The following GCFC2 variants were observed in gnomAD, a reference collection of about 807,000 sequenced individuals.
GCFC2 encodes the protein GC-rich sequence DNA-binding factor 2, also known as intron Large complex component GCFC2.
A neutral mutation model predicts 99.4 loss-of-function variants in GCFC2; 102 were observed. That is an observed-to-expected ratio of 1.03 (90% CI 0.87 to 1.21). GCFC2 has a LOEUF of 1.21. GCFC2 is among the 50% of genes most tolerant of loss of function. The pLI, the probability that GCFC2 is intolerant of heterozygous loss-of-function variation, is 0.00. For missense variants in GCFC2, 973 were observed against 920.9 expected (o/e 1.06, Z -0.73); for synonymous variants, 338 against 316.8 (o/e 1.07, Z -0.71).
At chr2:75,669,460 T>A (rs1289655299) in intron 15 of GCFC2, among the ~76,000 whole-genome samples, 1 of 152,216 alleles carries the variant, frequency 6.6e-6, no homozygotes. Context: ...CTTTTGCCTT[T>A]AAGTTTAGAA....
intron 1 of GCFC2, among the ~76,000 whole-genome samples, chr2:75,709,486 G>A (rs1681025340): frequency 6.6e-6 from 1 of 152,166 alleles, no homozygotes; most frequent in Non-Finnish European, 1.5e-5. Flanking sequence ...TCTCACATAT[G>A]TAATCTAAAA....
rs769264003 is a variant in GCFC2 at position 75,706,562 on chromosome 2, T to C, written c.355A>G (p.Ser119Gly). The C allele has an allele frequency of 1.2e-6, 2 of 1,604,796 alleles. No individual in the cohort carries two copies. The highest frequency in any genetic ancestry group is 1.1e-5 in the South Asian group (1 of 90,748). ...TCTTTTTCTCCAAGAGAGCTAGAAC[T>C]GTCAGAAGACAAACCCTGATCATCC... The part of the protein sequence containing the change: ...SKDDQGLSSD[S>G]SSSLGEKELS... Residue 119 changes from serine to glycine, a missense_variant, in exon 2 of 17, where the codon AGT becomes GGT. By Grantham distance (56) the Ser-to-Gly change is moderately conservative. Transcript: ENST00000321027.
chr2:75,688,572 A>G (rs1300299495), intron 10 of GCFC2, among the ~76,000 whole-genome samples: 2 of 152,008 alleles, frequency 1.3e-5, no homozygotes, highest in African/African-American at 4.8e-5. Flanking sequence ...TTCTCCCTTT[A>G]CACCTTTATG....
intron 4 of GCFC2, chr2:75,697,814 T>A (rs560069403): frequency 6.6e-6 from 1 of 152,600 alleles, no homozygotes; most frequent in African/African-American, 2.4e-5. Context: ...GAAGCAGATG[T>A]GAAGATGCAA....
chr2:75,702,759 C>T (rs965467856), intron 2 of GCFC2, among the ~76,000 whole-genome samples: 2 of 152,134 alleles, frequency 1.3e-5, no homozygotes, highest in South Asian at 2.1e-4. Flanking sequence ...AGATTGTCAG[C>T]GCAGGGATGT....
chr2:75,712,049 G>A (rs897625363), upstream of GCFC2, among the ~76,000 whole-genome samples: 1 of 152,252 alleles, frequency 6.6e-6, no homozygotes, highest in Admixed American at 6.5e-5. Flanking sequence ...GAGTCTGGTG[G>A]GGACATAGAG....
intron 8 of GCFC2, 21 bp downstream of exon 8, chr2:75,690,617 A>T (rs1680022775): frequency 8.9e-7 from 1 of 1,120,968 alleles, no homozygotes; most frequent in Non-Finnish European, 1.3e-6. Context: ...CTTTCTTTAA[A>T]TCTTCACTTT....
chr2:75,675,236 C>T (rs1333401389), intron 12 of GCFC2, among the ~76,000 whole-genome samples: 6 of 152,050 alleles, frequency 3.9e-5, no homozygotes, highest in Non-Finnish European at 7.4e-5. Context: ...ACATAATATC[C>T]TTGTCTTAAC....
At chr2:75,682,285 G>C (rs1679616244) in intron 11 of GCFC2, among the ~76,000 whole-genome samples, 1 of 151,842 alleles carries the variant, frequency 6.6e-6, no homozygotes, top group Non-Finnish European at 1.5e-5. Context: ...AGCCTCCGCT[G>C]GTGATACCCA....
At chr2:75,689,501 G>C (rs1450371490) in intron 9 of GCFC2, among the ~76,000 whole-genome samples, 1 of 151,970 alleles carries the variant, frequency 6.6e-6, no homozygotes, top group Non-Finnish European at 1.5e-5. Flanking sequence ...CTTATTTACA[G>C]ACAAAACAAC....
intron 15 of GCFC2, among the ~76,000 whole-genome samples, chr2:75,666,713 TAAAA>T (rs879656710): frequency 2.3e-5 from 3 of 127,992 alleles, no homozygotes; most frequent in Middle Eastern, 3.5e-3. Context: ...ATTTAAAAAG[TAAAA>T]AAAAAAAAAA....
At chr2:75,691,943 A>C (rs761512714) in intron 7 of GCFC2, 34 bp downstream of exon 7, 1 of 1,204,296 alleles carries the variant, frequency 8.3e-7, no homozygotes. Flanking sequence ...AGCTTAATGA[A>C]TAATAAATTG....
chr2:75,710,013 A>G (rs1391618514), intron 1 of GCFC2, among the ~76,000 whole-genome samples: 1 of 152,226 alleles, frequency 6.6e-6, no homozygotes, highest in Non-Finnish European at 1.5e-5. Flanking sequence ...TGACGACACT[A>G]TATCTAACAC....
chr2:75,701,095 G>C, intron 4 of GCFC2, 95 bp downstream of exon 4: 1 of 724,988 alleles, frequency 1.4e-6, no homozygotes, highest in Non-Finnish European at 2.4e-6. Flanking sequence ...CACGCTGTGA[G>C]AGAATAAATG....
At chr2:75,678,041 A>G (rs887773687) in intron 12 of GCFC2, among the ~76,000 whole-genome samples, 1 of 151,104 alleles carries the variant, frequency 6.6e-6, no homozygotes, top group African/African-American at 2.4e-5. Flanking sequence ...AGTGATCACA[A>G]AGAGCCAGGT....
intron 15 of GCFC2, among the ~76,000 whole-genome samples, chr2:75,668,779 T>C (rs1678961842): frequency 1.3e-5 from 2 of 152,218 alleles, no homozygotes; most frequent in African/African-American, 4.8e-5. Flanking sequence ...CATCTCTAAT[T>C]TTTGACTTAA....
chr2:75,677,771 G>A (rs1679411181), intron 12 of GCFC2, among the ~76,000 whole-genome samples: 1 of 152,142 alleles, frequency 6.6e-6, no homozygotes, highest in Non-Finnish European at 1.5e-5. Flanking sequence ...AAGGTCAGGA[G>A]ATCAATACCA....
At chr2:75,669,885 T>TA (rs56165861) in intron 15 of GCFC2, 46,031 of 221,250 alleles carry the variant, frequency 0.21, 5,832 homozygotes, top group South Asian at 0.27. Flanking sequence ...CCACCGCACC[T>TA]GGCTAATTTT....
At chr2:75,683,771 CAAAA>C (rs749580096) in intron 11 of GCFC2, among the ~76,000 whole-genome samples, 1 of 60,414 alleles carries the variant, frequency 1.7e-5, no homozygotes, top group Non-Finnish European at 3.1e-5. Context: ...AAATGGAAAG[CAAAA>C]AAAAAAAAAA....
Sources: gnomAD v4.1 joint callset for allele counts (sites outside exome capture counted in the v4.1 genomes callset) on GRCh38, gnomAD v4.1.1 for gene constraint, MANE v1.5 for transcripts, NCBI Gene and HGNC (gene_info 2026-07-23, HGNC 2026-07-21) for gene names.